The following MACROH2A1 variants were observed in gnomAD, a reference collection of about 807,000 sequenced individuals.
The protein encoded by MACROH2A1 is macroH2A.1 histone, also known as core histone macro-H2A.1.
In MACROH2A1, 2 loss-of-function variants were observed where a neutral mutation model predicts 31.6. The observed-to-expected ratio is 0.06, with a 90% CI of 0.03 to 0.20. The LOEUF (loss-of-function observed/expected upper bound fraction) is 0.20. Among genes scored for constraint, MACROH2A1 ranks in the 10% least tolerant of loss-of-function variants. The pLI, the probability that MACROH2A1 is intolerant of heterozygous loss-of-function variation, is 1.00. For synonymous variants in MACROH2A1, 169 were observed against 189.6 expected (o/e 0.89, Z 0.89); for missense variants, 230 against 474.0 (o/e 0.49, Z 4.78).
At chr5:135,337,936 T>C in intron 8 of MACROH2A1, 1 of 1,169,960 alleles carries the variant, frequency 8.5e-7, no homozygotes. Flanking sequence ...CCTAGGAAGC[T>C]ACAGCCTAAG....
chr5:135,359,408 C>A (rs1336380174), intron 5 of MACROH2A1: 54 of 985,156 alleles, frequency 5.5e-5, no homozygotes, highest in Non-Finnish European at 6.4e-5. Flanking sequence ...CAAAAACTTT[C>A]AAATCCCCAG....
intron 8 of MACROH2A1, among the ~76,000 whole-genome samples, chr5:135,336,613 T>TC (rs1175858312): frequency 1.3e-5 from 2 of 150,732 alleles, no homozygotes; most frequent in Non-Finnish European, 2.9e-5. Context: ...CTGCGCAGCT[T>TC]CCTCCCGGGA....
At chr5:135,347,165 A>G (rs1271601637) in intron 6 of MACROH2A1, 1 of 152,234 alleles carries the variant, frequency 6.6e-6, no homozygotes, top group Non-Finnish European at 1.5e-5. Context: ...ACCAGCCCAA[A>G]TTCTCTTTGG....
chr5:135,380,749 A>C (rs1000073240), intron 2 of MACROH2A1, among the ~76,000 whole-genome samples: 5 of 152,168 alleles, frequency 3.3e-5, no homozygotes, highest in Non-Finnish European at 5.9e-5. Flanking sequence ...TATCCTTTTG[A>C]TTTCCTGTAT....
rs533320375 is a variant in MACROH2A1 at position 135,386,071 on chromosome 5, T to G, written c.172+2851A>C. Among the ~76,000 whole-genome samples, 142 of 152,176 alleles carry G rather than the reference T, an allele frequency of 9.3e-4. 1 individual carries two copies. The highest frequency in any genetic ancestry group is 1.6e-3 in the Non-Finnish European group (107 of 68,028). On this transcript the variant is annotated intron_variant, in intron 2 of 8. Transcript: ENST00000511689. ...AAGGGCCAAAAAACAAAGTTCTAAG[T>G]GGGTCACCCAGAATGTCTAAGTTAG...
At chr5:135,395,839 C>G (rs986792632) in intron 1 of MACROH2A1, among the ~76,000 whole-genome samples, 2 of 152,180 alleles carry the variant, frequency 1.3e-5, no homozygotes, top group African/African-American at 4.8e-5. Context: ...ATTAAAGAAC[C>G]TACAGTCCAC....
At chr5:135,337,018 C>T (rs749391422) in intron 8 of MACROH2A1, among the ~76,000 whole-genome samples, 5 of 152,192 alleles carry the variant, frequency 3.3e-5, no homozygotes, top group Non-Finnish European at 5.9e-5. Context: ...CCTGGATCAA[C>T]GGGGGCTGCA....
chr5:135,343,484 A>T, intron 7 of MACROH2A1, 50 bp from the exon 8 acceptor site: 1 of 1,604,022 alleles, frequency 6.2e-7, no homozygotes, highest in Non-Finnish European at 8.5e-7. Context: ...TTCACTGCAA[A>T]GCACAAGATG....
chr5:135,336,028 T>C (rs1026699030), intron 8 of MACROH2A1, among the ~76,000 whole-genome samples: 1 of 152,168 alleles, frequency 6.6e-6, no homozygotes, highest in Non-Finnish European at 1.5e-5. Context: ...CCAGCTCTCA[T>C]GGGTAGGCTC....
intron 2 of MACROH2A1, among the ~76,000 whole-genome samples, chr5:135,374,414 C>A (rs1373319909): frequency 4.6e-5 from 7 of 152,208 alleles, no homozygotes; most frequent in Non-Finnish European, 1.0e-4. Context: ...TGTAAGTGAT[C>A]CTCTGCTTTG....
intron 2 of MACROH2A1, among the ~76,000 whole-genome samples, chr5:135,386,135 G>T (rs1766370941): frequency 6.6e-6 from 1 of 152,178 alleles, no homozygotes; most frequent in Non-Finnish European, 1.5e-5. Flanking sequence ...CCACATCCCT[G>T]CCCAATCGGC....
intron 5 of MACROH2A1, chr5:135,355,122 C>G: frequency 2.2e-6 from 1 of 456,022 alleles, no homozygotes; most frequent in South Asian, 1.5e-5. Context: ...TTCAGCTAGC[C>G]AGGAAGACCC....
chr5:135,345,707 T>C (rs1467994495), intron 7 of MACROH2A1: 5 of 422,492 alleles, frequency 1.2e-5, no homozygotes, highest in African/African-American at 2.0e-5. Context: ...TCAGCTCCTA[T>C]AATTTCTTAA....
intron 2 of MACROH2A1, among the ~76,000 whole-genome samples, chr5:135,387,088 G>A (rs1368597780): frequency 2.0e-5 from 3 of 152,204 alleles, no homozygotes; most frequent in Non-Finnish European, 4.4e-5. Flanking sequence ...CACAGAGCAC[G>A]TACACTAACT....
intron 1 of MACROH2A1, among the ~76,000 whole-genome samples, chr5:135,394,310 C>A (rs1767662468): frequency 6.6e-6 from 1 of 152,224 alleles, no homozygotes; most frequent in African/African-American, 2.4e-5. Flanking sequence ...CCTTCCCTGG[C>A]AATGATCCAT....
At chr5:135,341,219 G>C (rs1466719790) in intron 8 of MACROH2A1, among the ~76,000 whole-genome samples, 1 of 152,216 alleles carries the variant, frequency 6.6e-6, no homozygotes, top group Non-Finnish European at 1.5e-5. Context: ...AGCCTCACTT[G>C]CTGATAAGGC....
At chr5:135,372,719 A>G (rs1764331451) in intron 2 of MACROH2A1, among the ~76,000 whole-genome samples, 1 of 152,232 alleles carries the variant, frequency 6.6e-6, no homozygotes, top group Non-Finnish European at 1.5e-5. Flanking sequence ...CCAAGAGTCT[A>G]AGCCCAACAA....
chr5:135,346,116 C>T, intron 6 of MACROH2A1, 59 bp from the exon 7 acceptor site: 10 of 966,600 alleles, frequency 1.0e-5, no homozygotes, highest in South Asian at 1.0e-4. Flanking sequence ...CACACAGACA[C>T]TTAGCATGTC....
At chr5:135,393,617 A>G (rs1767556869) in intron 1 of MACROH2A1, among the ~76,000 whole-genome samples, 1 of 152,252 alleles carries the variant, frequency 6.6e-6, no homozygotes, top group African/African-American at 2.4e-5. Flanking sequence ...TATCTGGTCA[A>G]ACTTGACAAA....
Sources: gnomAD v4.1 joint callset for allele counts (sites outside exome capture counted in the v4.1 genomes callset) on GRCh38, gnomAD v4.1.1 for gene constraint, MANE v1.5 for transcripts, NCBI Gene and HGNC (gene_info 2026-07-23, HGNC 2026-07-21) for gene names.